PRKCE: variants seen among roughly 807,000 people sequenced by gnomAD.
The protein encoded by PRKCE is protein kinase C epsilon type.
PRKCE carries 16 observed loss-of-function variants against 85.4 expected under a neutral mutation model. The ratio of observed to expected loss-of-function variants is 0.19; its 90% CI spans 0.13 to 0.28. The LOEUF (loss-of-function observed/expected upper bound fraction) is 0.28. Ranked by LOEUF, PRKCE falls within the 10% of genes least tolerant of loss-of-function variation. The pLI is 1.00. For missense variants in PRKCE, 573 were observed against 975.2 expected, an observed-to-expected ratio of 0.59 and a Z score of 5.49; for synonymous variants, 388 against 371.5, an observed-to-expected ratio of 1.04 and a Z score of -0.51.
chr2:45,995,600 G>A (rs12623190), intron 6 of PRKCE, among the ~76,000 whole-genome samples: 27,495 of 152,122 alleles, frequency 0.18, 2,810 homozygotes, highest in African/African-American at 0.27. Flanking sequence ...GTTGAAAACT[G>A]TCTTTGCTCC....
At position 45,882,001 on chromosome 2, in the gene PRKCE, A is replaced by T. The variant is rs536846651; in HGVS notation, c.412+38938A>T. On this transcript the variant is annotated intron_variant, in intron 2 of 14. Transcript: ENST00000306156. The stretch of plus-strand genomic sequence containing the variant: ...TTTATGAGCTTTCCAAAGCGCTGAT[A>T]TGTCAGGTCTGACTGGCCAGGGGGG... Among the ~76,000 whole-genome samples, 6 of 152,356 alleles carry T rather than the reference A, an allele frequency of 3.9e-5. No homozygotes were observed. The East Asian group carries it at 1.2e-3, about 29-fold the overall frequency.
intron 2 of PRKCE, among the ~76,000 whole-genome samples, chr2:45,855,881 G>A (rs1434416698): frequency 6.6e-6 from 1 of 152,098 alleles, no homozygotes; most frequent in African/African-American, 2.4e-5. Flanking sequence ...CAATAAGGCT[G>A]TTGACTGCTG....
intron 1 of PRKCE, among the ~76,000 whole-genome samples, chr2:45,801,599 G>C (rs1021959000): frequency 1.3e-5 from 2 of 152,218 alleles, no homozygotes; most frequent in Non-Finnish European, 2.9e-5. Context: ...CAGGCTTCAA[G>C]ATGCTGGGAA....
At chr2:46,064,396 G>A (rs1346390984) in intron 10 of PRKCE, among the ~76,000 whole-genome samples, 27 of 151,470 alleles carry the variant, frequency 1.8e-4, no homozygotes, top group Admixed American at 1.8e-3. Flanking sequence ...ATATGAATTT[G>A]TTAATGATTC....
intron 6 of PRKCE, among the ~76,000 whole-genome samples, chr2:45,988,939 C>G (rs1181633575): frequency 2.0e-5 from 3 of 152,214 alleles, no homozygotes; most frequent in African/African-American, 7.2e-5. Flanking sequence ...TCAGTGGCCC[C>G]TGGAGGCAGA....
At chr2:45,762,671 C>T (rs376007647) in intron 1 of PRKCE, among the ~76,000 whole-genome samples, 62 of 152,328 alleles carry the variant, frequency 4.1e-4, no homozygotes, top group African/African-American at 1.4e-3. Flanking sequence ...GCATGGATAG[C>T]TTCATTTCTC....
chr2:46,152,473 C>T (rs879834020), intron 13 of PRKCE, among the ~76,000 whole-genome samples: 2 of 152,080 alleles, frequency 1.3e-5, no homozygotes, highest in South Asian at 2.1e-4. Flanking sequence ...TGAGCCACTG[C>T]GCCCAGCCTG....
intron 10 of PRKCE, among the ~76,000 whole-genome samples, chr2:46,050,281 A>G (rs1432010977): frequency 1.3e-5 from 2 of 152,264 alleles, no homozygotes; most frequent in Admixed American, 6.5e-5. Flanking sequence ...AGTTTATGAA[A>G]TGTAAGTAAA....
At chr2:45,844,782 T>C (rs533408513) in intron 2 of PRKCE, among the ~76,000 whole-genome samples, 2 of 152,236 alleles carry the variant, frequency 1.3e-5, no homozygotes, top group Non-Finnish European at 2.9e-5. Flanking sequence ...GATAAATGAC[T>C]TGCAAAATTA....
intron 2 of PRKCE, among the ~76,000 whole-genome samples, chr2:45,913,320 G>A (rs1697513908): frequency 6.6e-6 from 1 of 152,178 alleles, no homozygotes; most frequent in Admixed American, 6.5e-5. Context: ...ACTAATTTTT[G>A]TATCTTTTTT....
chr2:46,015,048 C>T (rs1378485180), intron 10 of PRKCE, among the ~76,000 whole-genome samples: 2 of 152,092 alleles, frequency 1.3e-5, no homozygotes, highest in Non-Finnish European at 1.5e-5. Context: ...AGATGCCTAT[C>T]GGTAGAGGAG....
At chr2:46,113,728 C>A (rs1234937086) in intron 11 of PRKCE, among the ~76,000 whole-genome samples, 1 of 152,096 alleles carries the variant, frequency 6.6e-6, no homozygotes, top group Non-Finnish European at 1.5e-5. Flanking sequence ...GCCACTTAGC[C>A]CTGGGTAGGG....
intron 1 of PRKCE, among the ~76,000 whole-genome samples, chr2:45,831,450 T>A (rs1690416805): frequency 6.6e-6 from 1 of 152,326 alleles, no homozygotes; most frequent in South Asian, 2.1e-4. Flanking sequence ...GAAGCACTAA[T>A]GTCCTCTGGG....
chr2:45,797,595 G>A (rs185792243), intron 1 of PRKCE, among the ~76,000 whole-genome samples: 1 of 152,342 alleles, frequency 6.6e-6, no homozygotes, highest in East Asian at 1.9e-4. Context: ...CAACCCCACT[G>A]AAGCTCTGGG....
chr2:45,679,680 G>A (rs1420870074), intron 1 of PRKCE, among the ~76,000 whole-genome samples: 1 of 152,170 alleles, frequency 6.6e-6, no homozygotes, highest in African/African-American at 2.4e-5. Flanking sequence ...ACACTTACAA[G>A]AAGAGGGGAT....
At chr2:45,742,462 T>G (rs1573155640) in intron 1 of PRKCE, among the ~76,000 whole-genome samples, 1 of 148,142 alleles carries the variant, frequency 6.8e-6, no homozygotes. Context: ...TAGGCAAAAG[T>G]CTTGAATGTA....
chr2:46,131,856 G>T (rs1674490927), intron 11 of PRKCE, among the ~76,000 whole-genome samples: 1 of 152,098 alleles, frequency 6.6e-6, no homozygotes, highest in Non-Finnish European at 1.5e-5. Flanking sequence ...CTTTCCCATT[G>T]GCAGGTTTGA....
At chr2:46,055,078 G>A (rs368464444) in intron 10 of PRKCE, among the ~76,000 whole-genome samples, 25 of 152,230 alleles carry the variant, frequency 1.6e-4, no homozygotes, top group East Asian at 1.2e-3. Flanking sequence ...CCTCCTGGAC[G>A]CCGGACAATA....
At position 45,652,332 on chromosome 2, in the gene PRKCE, A is replaced by G. The variant is rs770107040; in HGVS notation, c.232A>G (p.Lys78Glu). 1 of 1,613,796 alleles carries G rather than the reference A, an allele frequency of 6.2e-7. No individual in the cohort carries two copies. Among genetic ancestry groups the G allele is most frequent in the Non-Finnish European group, 8.5e-7 (1 of 1,180,020 alleles). Residue 78 changes from lysine (K) to glutamate (E), a missense_variant, in exon 1 of 15, where the codon AAG (lysine) becomes GAG (glutamate). By Grantham distance (56) the Lys-to-Glu change is moderately conservative. Transcript: ENST00000306156. This position sits in a 1 kb window ranked among gnomAD's most constrained non-coding sequence, Gnocchi z 7.7. Reference sequence around the variant, plus strand: ...CGTCACCGATGTGTGCAACGGACGCAAGATCGAGCTGGCTGTCTTTCACGA... The same window carrying G: ...CGTCACCGATGTGTGCAACGGACGCGAGATCGAGCTGGCTGTCTTTCACGA... The part of the protein sequence containing the change: ...EFVTDVCNGR[K>E]IELAVFHDAP...
Sources: gnomAD v4.1 joint callset for allele counts (sites outside exome capture counted in the v4.1 genomes callset) on GRCh38, gnomAD v4.1.1 for gene constraint, Gnocchi (gnomAD v3.1) non-coding constraint, MANE v1.5 for transcripts, NCBI Gene and HGNC (gene_info 2026-07-23, HGNC 2026-07-21) for gene names.